CCM2: variants seen among roughly 807,000 people sequenced by gnomAD.
The protein encoded by CCM2 is cerebral cavernous malformations 2 protein.
CCM2 carries 25 observed loss-of-function variants against 44.9 expected under a neutral mutation model. That is an observed-to-expected ratio of 0.56 (90% CI 0.41 to 0.78). The LOEUF (loss-of-function observed/expected upper bound fraction) is 0.78, where lower values mean the gene tolerates loss of function less well. CCM2 is among the 30% of genes least tolerant of loss of function. The pLI, the probability that CCM2 is intolerant of heterozygous loss-of-function variation, is 0.00. For missense variants in CCM2, 481 were observed against 580.6 expected, an observed-to-expected ratio of 0.83 and a Z score of 1.76; for synonymous variants, 219 against 241.1, an observed-to-expected ratio of 0.91 and a Z score of 0.85.
intron 1 of CCM2, among the ~76,000 whole-genome samples, chr7:45,017,728 T>C (rs1796322124): frequency 6.6e-6 from 1 of 152,182 alleles, no homozygotes; most frequent in Non-Finnish European, 1.5e-5. Flanking sequence ...TTAATGCTGG[T>C]CAGTTGTGCC....
At chr7:45,015,607 G>A (rs1469168219) in intron 1 of CCM2, among the ~76,000 whole-genome samples, 3 of 152,188 alleles carry the variant, frequency 2.0e-5, no homozygotes, top group Non-Finnish European at 2.9e-5. Context: ...TGGGCCCTGG[G>A]TATCTCAGTT....
chr7:44,999,850 C>A, upstream of CCM2: 1 of 417,546 alleles, frequency 2.4e-6, no homozygotes, highest in South Asian at 1.6e-5. Context: ...GAACAGGGGG[C>A]TGGACAGGTG....
In CCM2 at chr7:45,069,813, T is replaced by TC; in HGVS notation, c.610-8dup. 6.2e-7 allele frequency: 1 copy of TC among 1,613,970 alleles called. No individual in the cohort carries two copies. The highest frequency in any genetic ancestry group is 8.5e-7 in the Non-Finnish European group (1 of 1,180,032). ...AGCCAGACTGACCGAGCAGCTGCTG[T>TC]CCCCCACTGCAGGTCGCTGCGGAGG... On this transcript the variant is annotated splice_polypyrimidine_tract_variant and intron_variant, in intron 5 of 9. Transcript: ENST00000258781.
At chr7:45,011,909 A>C (rs1324196424) in intron 1 of CCM2, among the ~76,000 whole-genome samples, 2 of 151,974 alleles carry the variant, frequency 1.3e-5, no homozygotes. Context: ...TATGTTGTCC[A>C]GGGTGGTCTT....
rs191728783 is a variant in CCM2, at chr7:45,057,877, C to T, written c.205-6041C>T. 2.6e-5 allele frequency among the ~76,000 whole-genome samples: 4 copies of T among 152,352 alleles called. 1 individual carries two copies. The highest frequency in any genetic ancestry group is 9.6e-5 in the African/African-American group (4 of 41,576). ...AACTTCTTGGAATAACTATACATTT[C>T]CTTATGGAGCTGCCCAGCACACGCA... On this transcript the variant is annotated intron_variant, in intron 2 of 9. Coordinates refer to ENST00000258781, the MANE Select transcript of CCM2 (RefSeq NM_031443.4).
intron 1 of CCM2, among the ~76,000 whole-genome samples, chr7:45,010,066 T>C (rs1796007732): frequency 1.3e-5 from 2 of 152,146 alleles, no homozygotes; most frequent in Non-Finnish European, 1.5e-5. Flanking sequence ...TTTGTCACCA[T>C]GCCCAGCTAA....
intron 2 of CCM2, among the ~76,000 whole-genome samples, chr7:45,038,782 T>C (rs1460170311): frequency 3.3e-5 from 5 of 152,256 alleles, no homozygotes; most frequent in Admixed American, 6.5e-5. Flanking sequence ...GTCAAGGCCA[T>C]GACCTTGCAG....
intron 2 of CCM2, among the ~76,000 whole-genome samples, chr7:45,040,754 A>AG (rs34522371): frequency 4.6e-5 from 7 of 152,306 alleles, no homozygotes; most frequent in African/African-American, 1.7e-4. Flanking sequence ...TGGGAGGCCA[A>AG]GGGGGGCAGA....
At chr7:45,051,368 C>T (rs1005935950) in intron 2 of CCM2, among the ~76,000 whole-genome samples, 5 of 151,256 alleles carry the variant, frequency 3.3e-5, no homozygotes, top group Admixed American at 3.3e-4. Flanking sequence ...AAGATGACAG[C>T]TCCAGGATGC....
intron 1 of CCM2, among the ~76,000 whole-genome samples, chr7:45,010,495 A>G (rs905251654): frequency 1.2e-4 from 19 of 152,232 alleles, no homozygotes; most frequent in Admixed American, 1.2e-3. Flanking sequence ...TTATCCATAT[A>G]TTGCTGCATG....
intron 2 of CCM2, among the ~76,000 whole-genome samples, chr7:45,051,586 G>A (rs941783823): frequency 6.8e-6 from 1 of 147,900 alleles, no homozygotes; most frequent in African/African-American, 2.5e-5. Flanking sequence ...ATTGTGAGAC[G>A]GAGTCTTGCT....
intron 2 of CCM2, among the ~76,000 whole-genome samples, chr7:45,047,215 A>G (rs1797799781): frequency 6.6e-6 from 1 of 152,198 alleles, no homozygotes; most frequent in African/African-American, 2.4e-5. Context: ...ACTCCTAGGC[A>G]TTTATCCCAG....
intron 1 of CCM2, among the ~76,000 whole-genome samples, chr7:45,007,463 A>G (rs968877776): frequency 3.2e-4 from 49 of 152,188 alleles, no homozygotes; most frequent in African/African-American, 1.0e-3. Context: ...GGATTTGTCA[A>G]TGGAACCATT....
At position 45,064,680 on chromosome 7, in the gene CCM2, C is replaced by G. The variant is rs887064412; in HGVS notation, c.472+34C>G. 3.1e-6 allele frequency: 5 copies of G among 1,609,456 alleles called. No individual in the cohort carries two copies. The Admixed American group carries it at 5.0e-5, about 16-fold the overall frequency. ...GGTCAGGGGTCAGGAGGGTCCTTGT[C>G]CTAAGGAGTACATGTGTGAATTTTA... On this transcript the variant is annotated intron_variant, in intron 4 of 9. Coordinates refer to ENST00000258781, the MANE Select transcript of CCM2 (RefSeq NM_031443.4).
chr7:45,056,737 T>C (rs1247728473), intron 2 of CCM2, among the ~76,000 whole-genome samples: 4 of 152,256 alleles, frequency 2.6e-5, no homozygotes, highest in Non-Finnish European at 4.4e-5. Flanking sequence ...CCTTATCAGA[T>C]ATGATTGGAA....
At chr7:45,073,997 C>G (rs1021895726) in intron 8 of CCM2, 18 of 635,706 alleles carry the variant, frequency 2.8e-5, no homozygotes, top group Non-Finnish European at 4.7e-5. Context: ...CAACTTCCAC[C>G]CTGCCCTGCT....
intron 2 of CCM2, among the ~76,000 whole-genome samples, chr7:45,042,838 G>A (rs1797575264): frequency 6.6e-6 from 1 of 151,900 alleles, no homozygotes; most frequent in African/African-American, 2.4e-5. Context: ...GGCCCAAATG[G>A]TTTCACTGGA....
intron 2 of CCM2, among the ~76,000 whole-genome samples, chr7:45,050,213 G>A (rs1028781084): frequency 3.9e-5 from 6 of 152,200 alleles, no homozygotes; most frequent in Admixed American, 1.3e-4. Flanking sequence ...TGCTGTACAG[G>A]TTGTAGCCTG....
chr7:45,066,793 C>T (rs1442790143), intron 4 of CCM2, among the ~76,000 whole-genome samples: 1 of 152,048 alleles, frequency 6.6e-6, no homozygotes, highest in Non-Finnish European at 1.5e-5. Context: ...TCCTTGAGAA[C>T]TACCACAGGC....
Sources: allele counts gnomAD v4.1 joint callset (sites outside exome capture counted in the v4.1 genomes callset), GRCh38; gene constraint gnomAD v4.1.1; transcripts MANE v1.5; gene names NCBI Gene and HGNC (gene_info 2026-07-23, HGNC 2026-07-21).